PDZD2: variants seen among roughly 807,000 people sequenced by gnomAD.
PDZD2 encodes PDZ domain containing 2.
In PDZD2, 90 loss-of-function variants were observed where a neutral mutation model predicts 220.7. The ratio of observed to expected loss-of-function variants is 0.41; its 90% CI spans 0.34 to 0.49. The LOEUF is 0.49. Among genes scored for constraint, PDZD2 ranks in the 20% least tolerant of loss-of-function variants. The pLI, the probability that PDZD2 is intolerant of heterozygous loss-of-function variation, is 0.28. For missense variants in PDZD2, 3,174 were observed against 3,608.5 expected, an observed-to-expected ratio of 0.88 and a Z score of 3.08; for synonymous variants, 1,375 against 1,450.5, an observed-to-expected ratio of 0.95 and a Z score of 1.18.
chr5:32,018,567 T>C (rs951241093), intron 6 of PDZD2, among the ~76,000 whole-genome samples: 1 of 152,248 alleles, frequency 6.6e-6, no homozygotes, highest in Non-Finnish European at 1.5e-5. Flanking sequence ...GTTCCTGTTA[T>C]ATAGACCAGA....
intron 1 of PDZD2, among the ~76,000 whole-genome samples, chr5:31,725,313 G>A (rs1264257463): frequency 1.3e-5 from 2 of 149,196 alleles, no homozygotes; most frequent in African/African-American, 5.0e-5. Context: ...ACTCCAGCCT[G>A]GGGGACGAGA....
At chr5:32,045,595 T>G (rs1024276967) in intron 7 of PDZD2, among the ~76,000 whole-genome samples, 5 of 151,508 alleles carry the variant, frequency 3.3e-5, no homozygotes, top group African/African-American at 7.3e-5. Context: ...GCTGTTTTTT[T>G]TTTTTGTATT....
chr5:31,690,363 G>C (rs554030345), intron 1 of PDZD2, among the ~76,000 whole-genome samples: 2 of 152,224 alleles, frequency 1.3e-5, no homozygotes, highest in Admixed American at 1.3e-4. Context: ...CTTAGGAAGG[G>C]CCATGGCAGA....
rs553331962 is a variant in PDZD2 at position 32,098,872 on chromosome 5, A to G, written c.8218+238A>G. Among the ~76,000 whole-genome samples the G allele has an allele frequency of 2.0e-5, 3 of 152,238 alleles. No homozygotes were observed. Among genetic ancestry groups the G allele is most frequent in the Non-Finnish European group, 4.4e-5 (3 of 68,048 alleles). On this transcript the variant is annotated intron_variant, in intron 23 of 24. Transcript: ENST00000438447. The surrounding 1 kb of genome is among the most constrained non-coding windows in gnomAD (Gnocchi z 4.1). ...CAAGCTGTACTGTGGAAGATTTAAAATGACTGCAGAACAGTTTCCCTAAGT... is the reference window on the plus strand; with the variant it reads ...CAAGCTGTACTGTGGAAGATTTAAAGTGACTGCAGAACAGTTTCCCTAAGT...
intron 2 of PDZD2, among the ~76,000 whole-genome samples, chr5:31,919,539 GTTTCA>G (rs1265278961): frequency 4.6e-5 from 7 of 151,932 alleles, no homozygotes; most frequent in African/African-American, 1.4e-4. Context: ...TAGAGACAGG[GTTTCA>G]CCATGTTGGC....
At chr5:32,097,477 T>C (rs1050459535) in intron 22 of PDZD2, 97 bp downstream of exon 22, 1 of 763,222 alleles carries the variant, frequency 1.3e-6, no homozygotes, top group Non-Finnish European at 2.3e-6. Flanking sequence ...GTTCAGAGAT[T>C]GCTGGATTTC....
chr5:31,693,882 C>T (rs10044851), intron 1 of PDZD2, among the ~76,000 whole-genome samples: 26,045 of 152,096 alleles, frequency 0.17, 2,333 homozygotes, highest in East Asian at 0.29. Context: ...TCAGATTTCT[C>T]ACCTGGAAAA....
At chr5:32,100,971 A>C (rs756282196) in intron 23 of PDZD2, 134 bp from the exon 24 acceptor site, 57 of 1,602,030 alleles carry the variant, frequency 3.6e-5, no homozygotes, top group Admixed American at 1.7e-4. Flanking sequence ...TAAGTAAGTA[A>C]GTGCCCCAGG....
intron 16 of PDZD2, 69 bp from the exon 17 acceptor site, chr5:32,072,081 GGAAAGATAGGA>G: frequency 1.0e-6 from 1 of 986,830 alleles, no homozygotes; most frequent in Non-Finnish European, 1.5e-6. Flanking sequence ...AAGTGTTCTT[GGAAAGATAGGA>G]CGTAATAACC....
intron 1 of PDZD2, among the ~76,000 whole-genome samples, chr5:31,789,386 A>G (rs1753570347): frequency 6.6e-6 from 1 of 152,098 alleles, no homozygotes; most frequent in African/African-American, 2.4e-5. Flanking sequence ...CGAGCAGGAT[A>G]CTCTGTAGGG....
Position 32,089,549 on chromosome 5 carries a change from G to C in PDZD2, c.6101G>C (p.Gly2034Ala), listed in dbSNP as rs767762394. The change falls in exon 20 of 25, where the codon GGG (glycine) becomes GCG (alanine). Residue 2034 changes from glycine to alanine, a missense_variant. Around this residue, in one of 4 missense-constraint regions of PDZD2, gnomAD observed 1,861 missense variants for 2,001.0 expected, o/e 0.93. Coordinates refer to ENST00000438447, the MANE Select transcript of PDZD2 (RefSeq NM_178140.4). ...AEGRAPRADSGPVSPAASRNG... is the reference protein window; with the variant it reads ...AEGRAPRADSAPVSPAASRNG... ...GGCAGGGCGCCCCGTGCTGACTCCG[G>C]GCCGGTGAGTCCGGCAGCGTCTAGG... is the stretch of plus-strand genomic sequence containing the variant. The C allele has an allele frequency of 6.2e-7, 1 of 1,612,016 alleles. No homozygotes were observed. The highest frequency in any genetic ancestry group is 1.1e-5 in the South Asian group (1 of 91,066).
intron 1 of PDZD2, among the ~76,000 whole-genome samples, chr5:31,688,154 C>T (rs949329068): frequency 4.1e-4 from 63 of 152,118 alleles, no homozygotes; most frequent in African/African-American, 1.4e-3. Flanking sequence ...AAAAGTGGAA[C>T]TATTACAAGA....
At chr5:32,028,200 G>C (rs944554380) in intron 6 of PDZD2, among the ~76,000 whole-genome samples, 1 of 152,208 alleles carries the variant, frequency 6.6e-6, no homozygotes, top group African/African-American at 2.4e-5. Context: ...GGCTGCAAGA[G>C]CTGGCTGAGA....
intron 1 of PDZD2, among the ~76,000 whole-genome samples, chr5:31,775,884 C>G (rs1377444223): frequency 2.0e-5 from 3 of 152,080 alleles, no homozygotes; most frequent in African/African-American, 7.2e-5. Context: ...AAACCTGGCT[C>G]TCCCGGGCCC....
chr5:31,737,398 T>C (rs1271535949), intron 1 of PDZD2, among the ~76,000 whole-genome samples: 1 of 152,056 alleles, frequency 6.6e-6, no homozygotes, highest in Non-Finnish European at 1.5e-5. Context: ...GGTCTTGATC[T>C]CCTGACCTCG....
In PDZD2 at chr5:31,823,185, A is replaced by G. The variant is rs1178469675; in HGVS notation, c.476+23461A>G. 8.2e-6 allele frequency: 3 copies of G among 364,568 alleles called. No homozygotes were observed. The East Asian group carries it at 2.1e-4, about 26-fold the overall frequency. 22.6% of individuals were successfully genotyped at this position (364,568 alleles called of 1,614,324 possible). ...AAAAAAAAAAAAAAAAAAAAAAAGC[A>G]AGCATCTTTTGTGGCTCACGCCTGT... On this transcript the variant is annotated intron_variant, in intron 2 of 24. Transcript: ENST00000438447.
intron 8 of PDZD2, among the ~76,000 whole-genome samples, chr5:32,050,677 T>C (rs1245334734): frequency 6.6e-6 from 1 of 152,120 alleles, no homozygotes; most frequent in Non-Finnish European, 1.5e-5. Flanking sequence ...TTTAATTAGC[T>C]GGGTATGGTC....
At chr5:32,071,536 A>AAT (rs1206916858) in intron 16 of PDZD2, 118 bp downstream of exon 16, 8 of 776,694 alleles carry the variant, frequency 1.0e-5, no homozygotes, top group Non-Finnish European at 1.1e-5. Context: ...CATTTTTGCC[A>AAT]CTTTATACAG....
At chr5:31,822,271 CTTTTTT>C (rs34010630) in intron 2 of PDZD2, among the ~76,000 whole-genome samples, 8 of 100,582 alleles carry the variant, frequency 8.0e-5, no homozygotes, top group Admixed American at 1.2e-4. Context: ...TTCACGCAAT[CTTTTTT>C]TTTTTTTTTT....
Sources: gnomAD v4.1 joint callset for allele counts (sites outside exome capture counted in the v4.1 genomes callset) on GRCh38, gnomAD v4.1.1 for gene constraint, gnomAD v4.1.1 regional missense constraint, Gnocchi (gnomAD v3.1) non-coding constraint, MANE v1.5 for transcripts, NCBI Gene and HGNC (gene_info 2026-07-23, HGNC 2026-07-21) for gene names.